IL20RA: variants seen among roughly 807,000 people sequenced by gnomAD.
IL20RA encodes the protein interleukin 20 receptor subunit alpha.
IL20RA carries 29 observed loss-of-function variants against 36.5 expected under a neutral mutation model. The ratio of observed to expected loss-of-function variants is 0.79; its 90% confidence interval spans 0.59 to 1.08. IL20RA has a LOEUF of 1.08. Among genes scored for constraint, IL20RA ranks in the 50% least tolerant of loss-of-function variants. The pLI is 0.00. For synonymous variants in IL20RA, 279 were observed against 267.1 expected, an observed-to-expected ratio of 1.04 and a Z score of -0.43; for missense variants, 652 against 668.4, an observed-to-expected ratio of 0.98 and a Z score of 0.27.
intron 1 of IL20RA, among the ~76,000 whole-genome samples, chr6:137,026,003 C>T (rs566288097): frequency 6.6e-6 from 1 of 152,336 alleles, no homozygotes; most frequent in East Asian, 1.9e-4. Flanking sequence ...ATGGCCAGCA[C>T]ATTCATTAAT....
At chr6:137,038,127 G>A (rs1776552976) in intron 1 of IL20RA, 1 of 150,386 alleles carries the variant, frequency 6.6e-6, no homozygotes, top group African/African-American at 2.5e-5. Flanking sequence ...ACATCAAAAG[G>A]AATTCTGAAA....
At chr6:137,010,046 T>C (rs964032086) in intron 3 of IL20RA, among the ~76,000 whole-genome samples, 2 of 152,358 alleles carry the variant, frequency 1.3e-5, no homozygotes, top group African/African-American at 4.8e-5. Context: ...CAAACTCAAG[T>C]ATTCTGTTTC....
At chr6:137,019,257 G>A (rs1775818577) in intron 1 of IL20RA, among the ~76,000 whole-genome samples, 1 of 151,830 alleles carries the variant, frequency 6.6e-6, no homozygotes, top group Non-Finnish European at 1.5e-5. Context: ...CTCCCAAATA[G>A]TTGGGATTAC....
chr6:137,028,887 T>C (rs1776181989), intron 1 of IL20RA, among the ~76,000 whole-genome samples: 1 of 152,234 alleles, frequency 6.6e-6, no homozygotes, highest in South Asian at 2.1e-4. Flanking sequence ...TTTAAATAGT[T>C]ACATCTTGTT....
chr6:137,011,401 T>C lies in IL20RA; in HGVS notation c.276A>G (p.Arg92=). ...LNKSECRNIN[R]TYCDLSAETS... Reference sequence around the variant, plus strand: ...TTTCAGCAGAAAGATCACAGTAGGTTCTATTGATATTTCTGCATTCTGATT... The same window carrying C: ...TTTCAGCAGAAAGATCACAGTAGGTCCTATTGATATTTCTGCATTCTGATT... The change falls in exon 3 of 7, where the codon AGA becomes AGG. Residue 92 remains arginine, a synonymous_variant. Transcript: ENST00000316649. The C allele has an allele frequency of 6.2e-7, 1 of 1,613,888 alleles. No homozygotes were observed. Among genetic ancestry groups the C allele is most frequent in the South Asian group, 1.1e-5 (1 of 91,062 alleles).
chr6:137,006,124 A>G (rs1775269014), intron 5 of IL20RA, among the ~76,000 whole-genome samples: 1 of 152,206 alleles, frequency 6.6e-6, no homozygotes, highest in African/African-American at 2.4e-5. Context: ...ATTCTAATCC[A>G]GGAGAATGTT....
At chr6:137,030,479 G>A (rs1776241926) in intron 1 of IL20RA, among the ~76,000 whole-genome samples, 1 of 152,282 alleles carries the variant, frequency 6.6e-6, no homozygotes, top group East Asian at 1.9e-4. Flanking sequence ...TTAATGGGAT[G>A]TAAAACAGTG....
rs1039303376 is a variant in IL20RA, at chr6:137,002,175, T to C, written c.1045A>G (p.Arg349Gly). 5 of 1,614,056 alleles carry C rather than the reference T, an allele frequency of 3.1e-6. No individual in the cohort carries two copies. The African/African-American group carries it at 6.7e-5, about 22-fold the overall frequency. The change falls in exon 7 of 7, where the codon AGG becomes GGG. Residue 349 changes from arginine (R) to glycine (G), a missense_variant. Coordinates refer to ENST00000316649, the MANE Select transcript of IL20RA (RefSeq NM_014432.4). ...LNDPQPSGNL[R>G]PPQEEEEVKH... ...ACCTCCTCTTCCTCCTGAGGGGGCC[T>C]CAGGTTCCCGCTGGGCTGAGGATCA... is the stretch of plus-strand genomic sequence containing the variant.
chr6:137,030,018 A>G (rs1776217324), intron 1 of IL20RA, among the ~76,000 whole-genome samples: 1 of 140,424 alleles, frequency 7.1e-6, no homozygotes, highest in African/African-American at 2.6e-5. Flanking sequence ...GAAAATAGAG[A>G]TTCTTTCATT....
intron 1 of IL20RA, among the ~76,000 whole-genome samples, chr6:137,033,405 A>G (rs574043422): frequency 6.6e-6 from 1 of 152,350 alleles, no homozygotes; most frequent in Non-Finnish European, 1.5e-5. Flanking sequence ...CCAATGTAAG[A>G]GGTAGGACCT....
rs1775099763 is a variant in IL20RA, at chr6:137,002,281, G to A, written c.939C>T (p.Thr313=). The change falls in exon 7 of 7, where the codon ACC becomes ACT. Residue 313 remains threonine, a synonymous_variant. Coordinates refer to ENST00000316649, the MANE Select transcript of IL20RA (RefSeq NM_014432.4). ...TTTTAGAATCATCCGAGATATTGAGGGTGATAAAGTTAATCACGATTTTTT... is the reference window on the plus strand; with the variant it reads ...TTTTAGAATCATCCGAGATATTGAGAGTGATAAAGTTAATCACGATTTTTT... ...PAEKIVINFI[T]LNISDDSKIS... The A allele has an allele frequency of 6.2e-7, 1 of 1,610,982 alleles. No homozygotes were observed. The highest frequency in any genetic ancestry group is 1.3e-5 in the African/African-American group (1 of 74,606).
chr6:137,031,399 C>T (rs1776275937), intron 1 of IL20RA, among the ~76,000 whole-genome samples: 1 of 152,186 alleles, frequency 6.6e-6, no homozygotes, highest in African/African-American at 2.4e-5. Context: ...TGCTGCAAAA[C>T]AACGTTCAGT....
rs192347988 is a variant in IL20RA, at chr6:137,024,204, A to T, written c.89-7101T>A. 3.3e-5 allele frequency among the ~76,000 whole-genome samples: 5 copies of T among 152,182 alleles called. No homozygotes were observed. The East Asian group carries it at 9.6e-4, about 29-fold the overall frequency. ...TGATAACTAGTATTCTCTTTAGTTT[A>T]AAAAAAATTGCGAAGTTTTTAGGCA... On this transcript the variant is annotated intron_variant, in intron 1 of 6. Transcript: ENST00000316649.
intron 1 of IL20RA, among the ~76,000 whole-genome samples, chr6:137,040,837 C>G (rs1052417857): frequency 6.6e-6 from 1 of 152,122 alleles, no homozygotes; most frequent in Non-Finnish European, 1.5e-5. Context: ...TCAAAATCCA[C>G]CGATAGATAC....
intron 2 of IL20RA, among the ~76,000 whole-genome samples, chr6:137,011,763 A>G (rs1775509589): frequency 6.6e-6 from 1 of 152,206 alleles, no homozygotes; most frequent in Non-Finnish European, 1.5e-5. Context: ...TGTGTGATCA[A>G]TTCTTCTAGT....
At chr6:137,019,969 C>T (rs577616559) in intron 1 of IL20RA, among the ~76,000 whole-genome samples, 4 of 152,222 alleles carry the variant, frequency 2.6e-5, no homozygotes, top group Non-Finnish European at 4.4e-5. Context: ...TTGTATCATT[C>T]TCTCCCACAT....
intron 1 of IL20RA, among the ~76,000 whole-genome samples, chr6:137,021,512 A>AAC (rs1383424092): frequency 1.5e-5 from 1 of 67,492 alleles, no homozygotes; most frequent in Non-Finnish European, 4.7e-5. Flanking sequence ...CAAAAAAAAA[A>AAC]AAACACAAGA....
chr6:137,031,146 G>A (rs1164321321), intron 1 of IL20RA, among the ~76,000 whole-genome samples: 2 of 152,226 alleles, frequency 1.3e-5, no homozygotes, highest in South Asian at 2.1e-4. Flanking sequence ...GCCAATGGCA[G>A]TGGACATCAA....
chr6:137,038,405 C>T (rs977216855), intron 1 of IL20RA, among the ~76,000 whole-genome samples: 3 of 151,712 alleles, frequency 2.0e-5, no homozygotes, highest in African/African-American at 7.3e-5. Flanking sequence ...GGGGTCTCTC[C>T]TGGCTGCTCT....
Sources: gnomAD v4.1 joint callset for allele counts (sites outside exome capture counted in the v4.1 genomes callset) on GRCh38, gnomAD v4.1.1 for gene constraint, MANE v1.5 for transcripts, NCBI Gene and HGNC (gene_info 2026-07-23, HGNC 2026-07-21) for gene names.